The following HHLA2 variants were observed in gnomAD, a reference collection of about 807,000 sequenced individuals.
HHLA2 encodes HHLA2 member of B7 family.
Under a neutral mutation model 45.9 loss-of-function variants are expected in HHLA2, and 48 were observed. The ratio of observed to expected loss-of-function variants is 1.05; its 90% confidence interval spans 0.83 to 1.33. The LOEUF (loss-of-function observed/expected upper bound fraction) is 1.33. Among genes scored for constraint, HHLA2 ranks in the 40% most tolerant of loss-of-function variants. The pLI is 0.00. For synonymous variants in HHLA2, 161 were observed against 173.9 expected (o/e 0.93, Z 0.59); for missense variants, 462 against 494.3 (o/e 0.93, Z 0.62).
At chr3:108,362,507 T>G (rs2082000325) in intron 8 of HHLA2, 61 bp downstream of exon 7, 1 of 1,080,722 alleles carries the variant, frequency 9.3e-7, no homozygotes, top group Non-Finnish European at 1.4e-6. Flanking sequence ...AAAGATAACA[T>G]GGAAATACAT....
intron 3 of HHLA2, among the ~76,000 whole-genome samples, chr3:108,343,981 G>C (rs1377255993): frequency 6.6e-6 from 1 of 152,176 alleles, no homozygotes; most frequent in Non-Finnish European, 1.5e-5. Flanking sequence ...AGAGTTCACT[G>C]TATCATTGTA....
intron 1 of HHLA2, among the ~76,000 whole-genome samples, chr3:108,301,925 T>G (rs2107281645): frequency 6.6e-6 from 1 of 152,304 alleles, no homozygotes; most frequent in Admixed American, 6.5e-5. Flanking sequence ...CTCTGTGGTT[T>G]GTGTGCTGCC....
intron 3 of HHLA2, among the ~76,000 whole-genome samples, chr3:108,335,208 G>C (rs541806197): frequency 5.9e-5 from 9 of 152,240 alleles, no homozygotes; most frequent in African/African-American, 2.2e-4. Flanking sequence ...AGAAAGACAG[G>C]GACAAAGTTG....
chr3:108,378,004 C>T (rs2082304211), exon 11 of HHLA2: 1 of 152,128 alleles, frequency 6.6e-6, no homozygotes, highest in Non-Finnish European at 1.5e-5. Flanking sequence ...GTGATTTGTT[C>T]CTGCCCCACC....
intron 6 of HHLA2, among the ~76,000 whole-genome samples, chr3:108,355,621 A>G (rs1475036989): frequency 2.0e-5 from 3 of 152,220 alleles, no homozygotes; most frequent in East Asian, 1.9e-4. Context: ...TTACCTTGCT[A>G]TGTATTTATG....
At chr3:108,328,261 T>C in intron 2 of HHLA2, 2 of 1,386,674 alleles carry the variant, frequency 1.4e-6, no homozygotes, top group Non-Finnish European at 1.9e-6. Context: ...TCTAATTTTA[T>C]CCACACAGCA....
At chr3:108,328,858 C>T (rs1241969564) in intron 3 of HHLA2, among the ~76,000 whole-genome samples, 1 of 152,062 alleles carries the variant, frequency 6.6e-6, no homozygotes, top group Non-Finnish European at 1.5e-5. Context: ...TGCTGCAGTT[C>T]AGAATTGGGA....
chr3:108,298,162 TG>T (rs1366608529), intron 1 of HHLA2, among the ~76,000 whole-genome samples: 1 of 152,230 alleles, frequency 6.6e-6, no homozygotes, highest in Non-Finnish European at 1.5e-5. Flanking sequence ...ACTTAATTTC[TG>T]GGAAGACCAA....
At chr3:108,356,335 T>C (rs2081891983) in intron 6 of HHLA2, among the ~76,000 whole-genome samples, 1 of 152,174 alleles carries the variant, frequency 6.6e-6, no homozygotes, top group Non-Finnish European at 1.5e-5. Context: ...CAGCCTGTTT[T>C]TCATTTTATT....
At chr3:108,340,632 GC>G (rs1202332879) in intron 3 of HHLA2, among the ~76,000 whole-genome samples, 1 of 152,088 alleles carries the variant, frequency 6.6e-6, no homozygotes, top group Non-Finnish European at 1.5e-5. Flanking sequence ...CCAAATTAAA[GC>G]TTTTATACTC....
intron 3 of HHLA2, among the ~76,000 whole-genome samples, chr3:108,351,141 T>C (rs1376779316): frequency 2.6e-5 from 4 of 152,366 alleles, no homozygotes; most frequent in East Asian, 3.8e-4. Flanking sequence ...TATTTTTGTG[T>C]ATACACGTTT....
chr3:108,309,011 T>A (rs2080975669), intron 1 of HHLA2, among the ~76,000 whole-genome samples: 2 of 152,200 alleles, frequency 1.3e-5, no homozygotes, highest in African/African-American at 4.8e-5. Context: ...CTTTTTAACT[T>A]GATGTGATCC....
At chr3:108,363,986 T>C (rs867737525) in intron 8 of HHLA2, among the ~76,000 whole-genome samples, 1 of 152,096 alleles carries the variant, frequency 6.6e-6, no homozygotes. Flanking sequence ...TTTTTTTTTT[T>C]TTCTTTCTTT....
intron 2 of HHLA2, among the ~76,000 whole-genome samples, chr3:108,327,893 G>T (rs1401626353): frequency 1.3e-5 from 2 of 152,124 alleles, no homozygotes; most frequent in Non-Finnish European, 2.9e-5. Flanking sequence ...AGCACTTTGG[G>T]AGGCTGAGGT....
chr3:108,369,524 C>T (rs1464433612), intron 8 of HHLA2, among the ~76,000 whole-genome samples: 2 of 152,150 alleles, frequency 1.3e-5, no homozygotes, highest in African/African-American at 4.8e-5. Context: ...CATCACCTCA[C>T]CCAGGAAGCA....
chr3:108,370,430 C>G (rs1039390351), intron 8 of HHLA2, among the ~76,000 whole-genome samples: 3 of 152,158 alleles, frequency 2.0e-5, no homozygotes, highest in African/African-American at 7.2e-5. Context: ...CTCTCCTCCT[C>G]CAAAGGAACG....
chr3:108,356,720 TG>T (rs1462832167), intron 6 of HHLA2, among the ~76,000 whole-genome samples: 2 of 152,232 alleles, frequency 1.3e-5, no homozygotes, highest in Non-Finnish European at 2.9e-5. Context: ...CAAGTTTTGT[TG>T]CTCACAGACT....
chr3:108,312,075 T>C (rs2081028605), intron 2 of HHLA2, among the ~76,000 whole-genome samples: 1 of 152,010 alleles, frequency 6.6e-6, no homozygotes, highest in Middle Eastern at 3.2e-3. Context: ...GAAGCCACGT[T>C]CCCCCCATTC....
At chr3:108,353,635 G>T in exon 5 of HHLA2, 4 of 1,613,722 alleles carry the variant, frequency 2.5e-6, no homozygotes, top group Non-Finnish European at 2.5e-6. Flanking sequence ...ATGCAAACAG[G>T]ACATCCCTTT....
Sources: gnomAD v4.1 joint callset for allele counts (sites outside exome capture counted in the v4.1 genomes callset) on GRCh38, gnomAD v4.1.1 for gene constraint, MANE v1.5 for transcripts, NCBI Gene and HGNC (gene_info 2026-07-23, HGNC 2026-07-21) for gene names.